Variants in PLEKHD1 observed in about 807,000 individuals in gnomAD.
The protein encoded by PLEKHD1 is pleckstrin homology and coiled-coil domain containing D1.
In PLEKHD1, 51 loss-of-function variants were observed where a neutral mutation model predicts 69.2. The ratio of observed to expected loss-of-function variants is 0.74; its 90% confidence interval spans 0.59 to 0.93. PLEKHD1 has a LOEUF of 0.93. PLEKHD1 is among the 40% of genes least tolerant of loss of function. The pLI, the probability that PLEKHD1 is intolerant of heterozygous loss-of-function variation, is 0.00. For missense variants in PLEKHD1, 584 were observed against 641.0 expected (o/e 0.91, Z 0.96); for synonymous variants, 236 against 244.7 (o/e 0.96, Z 0.33).
intron 1 of PLEKHD1, among the ~76,000 whole-genome samples, chr14:69,494,976 T>C (rs1221518857): frequency 2.0e-5 from 3 of 152,044 alleles, no homozygotes; most frequent in Admixed American, 2.0e-4. Flanking sequence ...CTCCTCCAGG[T>C]CCATGCTAGC....
intron 6 of PLEKHD1, among the ~76,000 whole-genome samples, chr14:69,511,269 C>T (rs1473523433): frequency 6.6e-6 from 1 of 152,170 alleles, no homozygotes; most frequent in Admixed American, 6.6e-5. Context: ...AGCGATCCTC[C>T]TGCCTCAGCC....
Position 69,503,106 on chromosome 14 carries a change from T to C in PLEKHD1, c.555+227T>C, listed in dbSNP as rs1007034098. On this transcript the variant is annotated intron_variant, in intron 6 of 12. Transcript: ENST00000322564. ...ACCCCTGGGAGTAAAGTGAAAAGGGTGGGTGATGACCTTCTAGAGAAAGAG... is the reference window on the plus strand; with the variant it reads ...ACCCCTGGGAGTAAAGTGAAAAGGGCGGGTGATGACCTTCTAGAGAAAGAG... 5.5e-6 allele frequency: 3 copies of C among 549,332 alleles called. No homozygotes were observed. In the African/African-American group the frequency reaches 5.7e-5, roughly 10 times the overall value. The allele number at this position is 549,332 out of a possible 1,614,324, so 34.0% of individuals were successfully genotyped here. A position where few individuals can be genotyped will look rare whatever the true frequency, so the allele number is the denominator to read the frequency against.
intron 6 of PLEKHD1, among the ~76,000 whole-genome samples, chr14:69,505,587 G>A (rs1183470477): frequency 6.6e-6 from 1 of 152,226 alleles, no homozygotes. Context: ...TGTTGGGCAT[G>A]TCAGTTACCC....
At position 69,500,533 on chromosome 14, in the gene PLEKHD1, C is replaced by G. The variant is rs1204973714; in HGVS notation, c.244-44C>G. On this transcript the variant is annotated intron_variant, in intron 2 of 12. Coordinates refer to ENST00000322564, the MANE Select transcript of PLEKHD1 (RefSeq NM_001161498.2). ...GGGCCCCCAGAACCCCTGAGTGACC[C>G]CAGTTGGGTGGGGTGGGGGCTGCCT... 3.3e-6 allele frequency: 5 copies of G among 1,496,550 alleles called. No homozygotes were observed. In the South Asian group the frequency reaches 6.4e-5, roughly 19 times the overall value. 92.7% of individuals were successfully genotyped at this position (1,496,550 alleles called of 1,614,324 possible).
intron 1 of PLEKHD1, among the ~76,000 whole-genome samples, chr14:69,492,809 G>A (rs1882805420): frequency 6.6e-6 from 1 of 152,124 alleles, no homozygotes; most frequent in African/African-American, 2.4e-5. Flanking sequence ...TGGCTTTGTG[G>A]CCCAGGCTGG....
rs1240747107 is a variant in PLEKHD1, at chr14:69,527,905, C to T, written c.1324C>T (p.Arg442Cys). The change falls in exon 12 of 13, where the codon CGC (arginine) becomes TGC (cysteine). Residue 442 changes from arginine to cysteine, a missense_variant. By Grantham distance (180) the Arg-to-Cys change is radical (BLOSUM62 -3). Coordinates refer to ENST00000322564, the MANE Select transcript of PLEKHD1 (RefSeq NM_001161498.2). ...RRIKSCRFHR[R>C]RSSTSWNDMK... The stretch of plus-strand genomic sequence containing the variant: ...CATCAAGAGCTGCCGCTTCCACCGA[C>T]GCCGGTCCAGCACCTCCTGGAATGA... 1.7e-5 allele frequency: 27 copies of T among 1,551,486 alleles called. No individual in the cohort carries two copies. Among genetic ancestry groups the T allele is most frequent in the Middle Eastern group, 1.7e-4 (1 of 6,014 alleles).
intron 1 of PLEKHD1, among the ~76,000 whole-genome samples, chr14:69,497,669 G>A (rs969358748): frequency 1.3e-5 from 2 of 152,256 alleles, no homozygotes; most frequent in East Asian, 3.8e-4. Flanking sequence ...AGGACAGAGA[G>A]GCTGAAGGGC....
intron 4 of PLEKHD1, chr14:69,501,345 G>A: frequency 2.9e-6 from 1 of 342,284 alleles, no homozygotes; most frequent in Admixed American, 4.3e-5. Context: ...CCACTGTCCT[G>A]ACACCTGCCT....
rs1438653320 is a variant in PLEKHD1 at position 69,528,707 on chromosome 14, G to A, written c.*288G>A. 7 of 438,040 alleles carry A rather than the reference G, an allele frequency of 1.6e-5. No homozygotes were observed. Among genetic ancestry groups the A allele is most frequent in the African/African-American group, 3.9e-5 (2 of 50,946 alleles). The allele number at this position is 438,040 out of a possible 1,614,324, so 27.1% of individuals were successfully genotyped here. On this transcript the variant is annotated 3_prime_UTR_variant, in exon 13 of 13. Coordinates refer to ENST00000322564, the MANE Select transcript of PLEKHD1 (RefSeq NM_001161498.2). ...TGAGGACAGGACCTGGTTGTATGTG[G>A]AGATTTGTGTCGGTTAGGGAGTGGG...
chr14:69,488,329 G>A (rs2139491881), intron 1 of PLEKHD1, among the ~76,000 whole-genome samples: 1 of 152,340 alleles, frequency 6.6e-6, no homozygotes, highest in South Asian at 2.1e-4. Context: ...GCTCAGCACT[G>A]CTTCCCAGAG....
At position 69,496,757 on chromosome 14, in the gene PLEKHD1, G is replaced by C. The variant is rs1281450172; in HGVS notation, c.150-3358G>C. ...AGACAAGGCCTTGCTATGTTGCCCA[G>C]GCTGGTCTTGAACTCCTGGGCTCAA... On this transcript the variant is annotated intron_variant, in intron 1 of 12. Transcript: ENST00000322564. Among the ~76,000 whole-genome samples the C allele has an allele frequency of 2.1e-5, 3 of 144,786 alleles. No homozygotes were observed. In the East Asian group the frequency reaches 5.9e-4, roughly 29 times the overall value. 95.0% of individuals were successfully genotyped at this position (144,786 alleles called of 152,430 possible). A position where few individuals can be genotyped will look rare whatever the true frequency, so the allele number is the denominator to read the frequency against.
At chr14:69,501,693 T>C in intron 4 of PLEKHD1, 41 bp from the exon 5 acceptor site, 1 of 1,438,546 alleles carries the variant, frequency 7.0e-7, no homozygotes, top group East Asian at 2.5e-5. Context: ...TTTCTGTTTC[T>C]TCCTCTTCTC....
the PLEKHD1 span, among the ~76,000 whole-genome samples, chr14:69,479,094 G>A: frequency 6.6e-6 from 1 of 152,208 alleles, no homozygotes; most frequent in Non-Finnish European, 1.5e-5. Flanking sequence ...CATGGTAGAA[G>A]GTGAAAGGCA....
intron 6 of PLEKHD1, among the ~76,000 whole-genome samples, chr14:69,518,244 T>A (rs1883430765): frequency 6.6e-6 from 1 of 152,080 alleles, no homozygotes; most frequent in Non-Finnish European, 1.5e-5. Context: ...GTTTGCCGTG[T>A]TGGCCAGGCT....
At chr14:69,502,188 ATGTC>A (rs1883043966) in intron 5 of PLEKHD1, 1 of 195,370 alleles carries the variant, frequency 5.1e-6, no homozygotes. Context: ...AAATGAGACA[ATGTC>A]TGTAAGTGCT....
chr14:69,476,286 A>G, the PLEKHD1 span, among the ~76,000 whole-genome samples: 1 of 147,328 alleles, frequency 6.8e-6, no homozygotes, highest in Admixed American at 6.8e-5. Flanking sequence ...AAATGGCATC[A>G]CTGCTGGGTG....
intron 1 of PLEKHD1, among the ~76,000 whole-genome samples, chr14:69,493,412 C>A (rs994625): frequency 0.032 from 4,941 of 152,224 alleles, 219 homozygotes; most frequent in African/African-American, 0.11. Flanking sequence ...GCCTCAGTTT[C>A]CTCTCTAGTG....
chr14:69,504,837 C>T (rs1017311183), intron 6 of PLEKHD1, among the ~76,000 whole-genome samples: 1 of 152,202 alleles, frequency 6.6e-6, no homozygotes, highest in African/African-American at 2.4e-5. Flanking sequence ...TCCTCTAGGT[C>T]CTGTGTTAGG....
chr14:69,507,161 A>T (rs899662741), intron 6 of PLEKHD1, among the ~76,000 whole-genome samples: 1 of 152,114 alleles, frequency 6.6e-6, no homozygotes, highest in Non-Finnish European at 1.5e-5. Context: ...AAGTGCTGGG[A>T]TTACAGGCAT....
Sources: allele counts gnomAD v4.1 joint callset (sites outside exome capture counted in the v4.1 genomes callset), GRCh38; gene constraint gnomAD v4.1.1; transcripts MANE v1.5; gene names NCBI Gene and HGNC (gene_info 2026-07-23, HGNC 2026-07-21).